Variants in NWD1 observed in about 807,000 individuals in gnomAD.
NWD1 encodes NACHT and WD repeat domain containing 1.
A neutral mutation model predicts 135.1 loss-of-function variants in NWD1; 129 were observed. That is an observed-to-expected ratio of 0.96 (90% CI 0.83 to 1.11). NWD1 has a LOEUF of 1.11. Among genes scored for constraint, NWD1 ranks in the 50% least tolerant of loss-of-function variants. NWD1 has a pLI of 0.00. For missense variants in NWD1, 1,740 were observed against 1,851.3 expected, an observed-to-expected ratio of 0.94 and a Z score of 1.10; for synonymous variants, 773 against 786.0, an observed-to-expected ratio of 0.98 and a Z score of 0.28.
At chr19:16,753,018 A>T (rs1968640286) in intron 6 of NWD1, among the ~76,000 whole-genome samples, 1 of 152,154 alleles carries the variant, frequency 6.6e-6, no homozygotes, top group South Asian at 2.1e-4. Flanking sequence ...GCAAATAACA[A>T]CTGGGGCATG....
chr19:16,764,062 A>C (rs1392273051), intron 9 of NWD1, 117 bp downstream of exon 9: 12 of 658,910 alleles, frequency 1.8e-5, no homozygotes, highest in Non-Finnish European at 3.0e-5. Flanking sequence ...CTCCTAAGGC[A>C]GAGGTTCTCA....
At chr19:16,774,727 T>C (rs1191109262) in intron 11 of NWD1, among the ~76,000 whole-genome samples, 1 of 151,812 alleles carries the variant, frequency 6.6e-6, no homozygotes, top group Non-Finnish European at 1.5e-5. Context: ...CATTCATCCA[T>C]TCATTCATCC....
rs1969042109 is a variant in NWD1 at position 16,762,171 on chromosome 19, C to T, written c.2133+33C>T. ...ACCTGGGACCCCCATTCCCCACCTGCAACCTCCACCCTGCCTGGCATTGCT... is the reference window on the plus strand; with the variant it reads ...ACCTGGGACCCCCATTCCCCACCTGTAACCTCCACCCTGCCTGGCATTGCT... On this transcript the variant is annotated intron_variant, in intron 8 of 18. Coordinates refer to ENST00000524140, the MANE Select transcript of NWD1 (RefSeq NM_001007525.5). 2.5e-6 allele frequency: 4 copies of T among 1,597,070 alleles called. No individual in the cohort carries two copies. In the South Asian group the frequency reaches 3.3e-5, roughly 13 times the overall value.
At position 16,753,878 on chromosome 19, in the gene NWD1, C is replaced by T. The variant is rs924705289; in HGVS notation, c.1769+3467C>T. Among the ~76,000 whole-genome samples the T allele has an allele frequency of 7.7e-5, 11 of 142,816 alleles. 1 individual carries two copies. The South Asian group carries it at 2.2e-3, about 28-fold the overall frequency. The allele number at this position is 142,816 out of a possible 152,430, so 93.7% of individuals were successfully genotyped here. A position where few individuals can be genotyped will look rare whatever the true frequency, so the allele number is the denominator to read the frequency against. ...CCATCCATCCATCCATTCATCAATT[C>T]GACCTTTCATCCATCCATTGTCTCT... On this transcript the variant is annotated intron_variant, in intron 6 of 18. Transcript: ENST00000524140.
intron 12 of NWD1, among the ~76,000 whole-genome samples, chr19:16,781,396 A>G (rs1459952811): frequency 6.6e-6 from 1 of 152,120 alleles, no homozygotes; most frequent in East Asian, 1.9e-4. Context: ...CAGGCAGATC[A>G]TTTAAGCTCA....
At chr19:16,766,958 T>TAATAA (rs1394681385) in intron 10 of NWD1, among the ~76,000 whole-genome samples, 1 of 152,184 alleles carries the variant, frequency 6.6e-6, no homozygotes, top group Non-Finnish European at 1.5e-5. Context: ...TCACCACCAT[T>TAATAA]CATCTCCAGA....
chr19:16,792,441 C>T (rs912566740), intron 14 of NWD1, among the ~76,000 whole-genome samples: 8 of 151,668 alleles, frequency 5.3e-5, no homozygotes, highest in African/African-American at 9.7e-5. Flanking sequence ...CTTTGGGAGG[C>T]CGGGGCAGGT....
At chr19:16,781,061 G>C (rs1001863528) in intron 12 of NWD1, among the ~76,000 whole-genome samples, 14 of 152,190 alleles carry the variant, frequency 9.2e-5, no homozygotes, top group Admixed American at 4.6e-4. Flanking sequence ...GTCGACCTCA[G>C]ATCCTAAGTA....
At chr19:16,721,104 C>T (rs543128593) in intron 1 of NWD1, among the ~76,000 whole-genome samples, 1 of 152,214 alleles carries the variant, frequency 6.6e-6, no homozygotes, top group Admixed American at 6.6e-5. Flanking sequence ...CCTGTTTTGG[C>T]CTCTCAAAGT....
rs751217041 is a variant in NWD1, at chr19:16,762,093, C to CAGGGACCTGGAGGGACCTGG, written c.2089_2090insGGGACCTGGAGGGACCTGGA (p.Ile697ArgfsTer17). On this transcript the variant is annotated frameshift_variant, in exon 8 of 19. Transcript: ENST00000524140. LOFTEE classifies it high-confidence loss of function. ...CCTGGAGCCAGGGTACCAAGAAGCT[C>CAGGGACCTGGAGGGACCTGG]ATCACTCTGCCACTTGTGGGGAAAC... 9 of 1,613,992 alleles carry CAGGGACCTGGAGGGACCTGG rather than the reference C, an allele frequency of 5.6e-6. No individual in the cohort carries two copies. The highest frequency in any genetic ancestry group is 6.8e-6 in the Non-Finnish European group (8 of 1,180,008).
chr19:16,769,405 T>C (rs960824335), intron 10 of NWD1, among the ~76,000 whole-genome samples: 1 of 151,388 alleles, frequency 6.6e-6, no homozygotes, highest in African/African-American at 2.4e-5. Context: ...GAGGTTGCAG[T>C]GAGCCGGGAT....
chr19:16,784,713 G>A (rs545868511), intron 12 of NWD1, among the ~76,000 whole-genome samples: 3 of 151,830 alleles, frequency 2.0e-5, no homozygotes, highest in South Asian at 4.2e-4. Context: ...GGCAGATCAC[G>A]AGGTCAAGAG....
intron 15 of NWD1, 99 bp from the exon 16 acceptor site, chr19:16,797,633 C>G: frequency 8.8e-7 from 1 of 1,141,068 alleles, no homozygotes; most frequent in Non-Finnish European, 1.3e-6. Flanking sequence ...CAGGCATGAA[C>G]CACCACATCC....
chr19:16,795,202 C>T (rs891463208), intron 15 of NWD1, among the ~76,000 whole-genome samples: 5 of 152,226 alleles, frequency 3.3e-5, no homozygotes, highest in African/African-American at 9.6e-5. Context: ...CCGCGGCTCC[C>T]ATGGCCACTG....
intron 17 of NWD1, among the ~76,000 whole-genome samples, chr19:16,806,364 G>A (rs537511795): frequency 2.6e-5 from 4 of 152,074 alleles, no homozygotes; most frequent in South Asian, 2.1e-4. Flanking sequence ...TGTGGCCACC[G>A]CCCCTGAAAT....
intron 7 of NWD1, among the ~76,000 whole-genome samples, chr19:16,760,197 A>G (rs759533828): frequency 4.7e-5 from 7 of 149,224 alleles, no homozygotes; most frequent in Non-Finnish European, 1.0e-4. Context: ...ACTAAACTAA[A>G]CTAGGTGAAG....
chr19:16,723,195 AG>A (rs1460024708), intron 1 of NWD1, among the ~76,000 whole-genome samples: 1 of 151,886 alleles, frequency 6.6e-6, no homozygotes, highest in African/African-American at 2.4e-5. Flanking sequence ...CACCATGTCC[AG>A]CTGATTTTTT....
intron 17 of NWD1, 32 bp downstream of exon 17, chr19:16,800,194 G>A (rs777732181): frequency 1.2e-5 from 19 of 1,565,850 alleles, no homozygotes; most frequent in Admixed American, 7.2e-5. Flanking sequence ...TCATTTTTGT[G>A]GGTAAGGCTT....
chr19:16,815,051 G>C lies in NWD1; in HGVS notation c.*12G>C. On this transcript the variant is annotated 3_prime_UTR_variant, in exon 19 of 19. Coordinates refer to ENST00000524140, the MANE Select transcript of NWD1 (RefSeq NM_001007525.5). ...AGGCACCCTGCTGACAGTCCAGTTT[G>C]TCCATGCTGTGGTAAACAGAATCAT... 6.2e-7 allele frequency: 1 copy of C among 1,613,918 alleles called. No individual in the cohort carries two copies. The highest frequency in any genetic ancestry group is 8.5e-7 in the Non-Finnish European group (1 of 1,179,822).
Sources: allele counts gnomAD v4.1 joint callset (sites outside exome capture counted in the v4.1 genomes callset), GRCh38; gene constraint gnomAD v4.1.1; transcripts MANE v1.5; gene names NCBI Gene and HGNC (gene_info 2026-07-23, HGNC 2026-07-21).